Variants in NRXN3 observed in about 807,000 individuals in gnomAD.
NRXN3 encodes neurexin III.
Under a neutral mutation model 137.6 loss-of-function variants are expected in NRXN3, and 32 were observed. The ratio of observed to expected loss-of-function variants is 0.23; its 90% CI spans 0.18 to 0.31. The LOEUF is 0.31. Ranked by LOEUF, NRXN3 falls within the 10% of genes least tolerant of loss-of-function variation. NRXN3 has a pLI of 1.00. For missense variants in NRXN3, 1,574 were observed against 2,062.5 expected, an observed-to-expected ratio of 0.76 and a Z score of 4.59; for synonymous variants, 798 against 784.5, an observed-to-expected ratio of 1.02 and a Z score of -0.29.
At chr14:79,017,275 C>T (rs1345863751) in intron 15 of NRXN3, among the ~76,000 whole-genome samples, 1 of 151,882 alleles carries the variant, frequency 6.6e-6, no homozygotes, top group East Asian at 1.9e-4. Context: ...ACTTTTCTAG[C>T]CCTGCCAAGC....
At chr14:78,291,243 T>G (rs1339270202) in intron 3 of NRXN3, among the ~76,000 whole-genome samples, 1 of 152,216 alleles carries the variant, frequency 6.6e-6, no homozygotes, top group Admixed American at 6.5e-5. Flanking sequence ...ACTAAGGTAG[T>G]GTGACTTTAG....
rs927175057 is a variant in NRXN3 at position 78,911,902 on chromosome 14, G to T, written c.2276-45340G>T. ...CCCTGGTTGAGCCACAAATTGGTAT[G>T]TTTTTTTCCTTATGTACAGGTTTTT... On this transcript the variant is annotated intron_variant, in intron 10 of 20. Coordinates refer to ENST00000335750, the MANE Select transcript of NRXN3 (RefSeq NM_001330195.2). Among the ~76,000 whole-genome samples, 4 of 151,534 alleles carry T rather than the reference G, an allele frequency of 2.6e-5. No individual in the cohort carries two copies. In the South Asian group the frequency reaches 6.3e-4, roughly 24 times the overall value.
chr14:79,689,335 G>A (rs2098707618), intron 17 of NRXN3, among the ~76,000 whole-genome samples: 1 of 152,080 alleles, frequency 6.6e-6, no homozygotes, highest in African/African-American at 2.4e-5. Flanking sequence ...TTGCGCTTCA[G>A]TCAAACTAGC....
chr14:78,926,825 TATA>T (rs1362689600), intron 10 of NRXN3, among the ~76,000 whole-genome samples: 1 of 38,996 alleles, frequency 2.6e-5, no homozygotes, highest in Non-Finnish European at 3.9e-5. Flanking sequence ...ATATATTATA[TATA>T]ATTTATATAA....
intron 15 of NRXN3, among the ~76,000 whole-genome samples, chr14:79,183,126 A>G (rs1343038946): frequency 6.6e-6 from 1 of 152,182 alleles, no homozygotes; most frequent in African/African-American, 2.4e-5. Context: ...ATCTACTTTT[A>G]TTTTTTATAC....
chr14:78,402,728 A>C (rs2092189983), intron 4 of NRXN3, among the ~76,000 whole-genome samples: 1 of 152,186 alleles, frequency 6.6e-6, no homozygotes, highest in South Asian at 2.1e-4. Context: ...CAGGTTACCT[A>C]GTATCTCTAA....
At chr14:79,654,469 C>G (rs1161079063) in intron 16 of NRXN3, among the ~76,000 whole-genome samples, 1 of 152,112 alleles carries the variant, frequency 6.6e-6, no homozygotes, top group African/African-American at 2.4e-5. Flanking sequence ...CTACTCATGT[C>G]TGCTGTTGTA....
chr14:79,706,453 A>G (rs2098779820), intron 19 of NRXN3, among the ~76,000 whole-genome samples: 1 of 149,036 alleles, frequency 6.7e-6, no homozygotes, highest in South Asian at 2.1e-4. Context: ...CTGTTGAGAA[A>G]AGGGCTTGTA....
chr14:79,661,378 C>A (rs932152259), intron 16 of NRXN3, among the ~76,000 whole-genome samples: 1 of 152,130 alleles, frequency 6.6e-6, no homozygotes, highest in Admixed American at 6.6e-5. Flanking sequence ...TCACAGCCTG[C>A]TTTGGTTGAT....
intron 10 of NRXN3, 27 bp downstream of exon 10, chr14:78,810,371 G>C: frequency 1.1e-6 from 1 of 930,530 alleles, no homozygotes; most frequent in Non-Finnish European, 1.4e-6. Flanking sequence ...GTTTCATTTT[G>C]TTCTTTAAAA....
intron 16 of NRXN3, among the ~76,000 whole-genome samples, chr14:79,601,710 C>A (rs1018725582): frequency 2.6e-5 from 4 of 152,180 alleles, no homozygotes; most frequent in African/African-American, 9.7e-5. Flanking sequence ...CCTTAGAAGT[C>A]ACTTTCAGTT....
At chr14:79,669,444 T>C (rs1422488934) in intron 17 of NRXN3, among the ~76,000 whole-genome samples, 1 of 152,182 alleles carries the variant, frequency 6.6e-6, no homozygotes, top group Non-Finnish European at 1.5e-5. Flanking sequence ...TTCACACTGC[T>C]AACTAGTCAT....
intron 19 of NRXN3, among the ~76,000 whole-genome samples, chr14:79,729,798 C>T (rs1462906588): frequency 6.6e-6 from 1 of 152,166 alleles, no homozygotes; most frequent in Non-Finnish European, 1.5e-5. Flanking sequence ...ACATCAGGTG[C>T]TGAACCTATC....
In NRXN3 at chr14:79,648,438, A is replaced by G. The variant is rs1035186910; in HGVS notation, c.3445-15340A>G. Among the ~76,000 whole-genome samples the G allele has an allele frequency of 4.4e-5, 6 of 135,592 alleles. 1 individual carries two copies. Among genetic ancestry groups the G allele is most frequent in the Non-Finnish European group, 6.9e-5 (4 of 58,336 alleles). 89.0% of individuals were successfully genotyped at this position (135,592 alleles called of 152,430 possible). On this transcript the variant is annotated intron_variant, in intron 16 of 20. Transcript: ENST00000335750. ...GAGAGATCTGATCTTAAAATGTTGAAAACTAATTCACATAGAAAAATACTA... is the reference window on the plus strand; with the variant it reads ...GAGAGATCTGATCTTAAAATGTTGAGAACTAATTCACATAGAAAAATACTA...
chr14:79,354,364 T>C (rs2093343367), intron 15 of NRXN3, among the ~76,000 whole-genome samples: 1 of 152,174 alleles, frequency 6.6e-6, no homozygotes, highest in Admixed American at 6.6e-5. Context: ...TCTGTAAAAA[T>C]GTTAATTTTC....
At chr14:79,297,619 C>T (rs1262820756) in intron 15 of NRXN3, among the ~76,000 whole-genome samples, 2 of 151,958 alleles carry the variant, frequency 1.3e-5, no homozygotes, top group African/African-American at 4.8e-5. Context: ...ATTGGAATGA[C>T]AAGAGACTGA....
Position 78,990,610 on chromosome 14 carries a change from A to G in NRXN3, c.3262+2469A>G, listed in dbSNP as rs575241830. On this transcript the variant is annotated intron_variant, in intron 15 of 20. Transcript: ENST00000335750. ...CTGGTCTTGAACTCCTGACCTCGTG[A>G]TCCGCCCTCCTCAGCCTCCCAAAGT... Among the ~76,000 whole-genome samples the G allele has an allele frequency of 8.5e-5, 13 of 152,102 alleles. No homozygotes were observed. The South Asian group carries it at 1.9e-3, about 22-fold the overall frequency.
intron 1 of NRXN3, among the ~76,000 whole-genome samples, chr14:78,224,777 T>G (rs2064304872): frequency 7.0e-6 from 1 of 142,650 alleles, no homozygotes; most frequent in African/African-American, 2.7e-5. Flanking sequence ...TTTTTTTTTT[T>G]GAGACGGAGT....
intron 3 of NRXN3, among the ~76,000 whole-genome samples, chr14:78,279,178 T>G (rs1295387383): frequency 6.6e-6 from 1 of 152,192 alleles, no homozygotes; most frequent in Non-Finnish European, 1.5e-5. Flanking sequence ...ATGTAAATAA[T>G]ACATGCTCAC....
Sources: allele counts gnomAD v4.1 joint callset (sites outside exome capture counted in the v4.1 genomes callset), GRCh38; gene constraint gnomAD v4.1.1; transcripts MANE v1.5; gene names NCBI Gene and HGNC (gene_info 2026-07-23, HGNC 2026-07-21).